CCSER1: variants seen among roughly 807,000 people sequenced by gnomAD.
CCSER1 encodes the protein serine-rich coiled-coil domain-containing protein 1.
Under a neutral mutation model 82.0 loss-of-function variants are expected in CCSER1, and 41 were observed. That is an observed-to-expected ratio of 0.50 (90% CI 0.39 to 0.65). The LOEUF (loss-of-function observed/expected upper bound fraction) is 0.65, where lower values mean the gene tolerates loss of function less well. Ranked by LOEUF, CCSER1 falls within the 30% of genes least tolerant of loss-of-function variation. CCSER1 has a pLI of 0.00. For synonymous variants in CCSER1, 414 were observed against 383.9 expected (o/e 1.08, Z -0.92); for missense variants, 1,119 against 1,064.2 (o/e 1.05, Z -0.72).
intron 9 of CCSER1, among the ~76,000 whole-genome samples, chr4:90,962,398 C>G (rs997091919): frequency 6.6e-6 from 1 of 152,092 alleles, no homozygotes; most frequent in Admixed American, 6.6e-5. Context: ...ATTTAATATA[C>G]TATTTAAACA....
At chr4:90,168,970 G>T (rs550452120) in intron 1 of CCSER1, among the ~76,000 whole-genome samples, 51 of 151,880 alleles carry the variant, frequency 3.4e-4, no homozygotes, top group Admixed American at 9.8e-4. Context: ...CTCTTTTTTG[G>T]TTCCATATGA....
chr4:91,072,686 GCT>G (rs1721558673), intron 9 of CCSER1, among the ~76,000 whole-genome samples: 1 of 152,002 alleles, frequency 6.6e-6, no homozygotes, highest in African/African-American at 2.4e-5. Flanking sequence ...GATACTCTGG[GCT>G]CAGTATTCAA....
chr4:90,970,834 A>G (rs1447794141), intron 9 of CCSER1, among the ~76,000 whole-genome samples: 1 of 152,002 alleles, frequency 6.6e-6, no homozygotes, highest in Non-Finnish European at 1.5e-5. Context: ...CTAAATAATG[A>G]GTTGAATCTA....
intron 5 of CCSER1, among the ~76,000 whole-genome samples, chr4:90,532,521 G>T (rs561440098): frequency 4.9e-4 from 75 of 152,108 alleles, no homozygotes; most frequent in African/African-American, 1.6e-3. Context: ...GTCTGAGAAG[G>T]CAAACCTTTT....
At chr4:91,132,522 A>G (rs1230054405) in intron 10 of CCSER1, among the ~76,000 whole-genome samples, 2 of 152,200 alleles carry the variant, frequency 1.3e-5, no homozygotes, top group African/African-American at 4.8e-5. Context: ...GTATTCGTTA[A>G]TTCTGCAGGT....
chr4:90,129,262 G>A (rs1722409480), intron 1 of CCSER1, among the ~76,000 whole-genome samples: 1 of 151,992 alleles, frequency 6.6e-6, no homozygotes, highest in South Asian at 2.1e-4. Context: ...GTTATCACTG[G>A]TTCCTTCAAA....
chr4:90,133,112 T>C (rs1702964889), intron 1 of CCSER1, among the ~76,000 whole-genome samples: 1 of 152,206 alleles, frequency 6.6e-6, no homozygotes, highest in Non-Finnish European at 1.5e-5. Flanking sequence ...TAGAGTATTT[T>C]AGAGTAAAAA....
At chr4:90,802,232 T>C (rs115623558) in intron 7 of CCSER1, among the ~76,000 whole-genome samples, 8,759 of 147,742 alleles carry the variant, frequency 0.059, 571 homozygotes, top group African/African-American at 0.17. Context: ...AAAAATAAAT[T>C]AATTACAAAT....
At chr4:90,941,085 G>GCTAC (rs1332820952) in intron 9 of CCSER1, among the ~76,000 whole-genome samples, 9 of 152,078 alleles carry the variant, frequency 5.9e-5, no homozygotes, top group African/African-American at 2.2e-4. Context: ...CTATGTGAAT[G>GCTAC]CTACCTACTA....
intron 10 of CCSER1, among the ~76,000 whole-genome samples, chr4:91,387,736 ATG>A (rs1751388808): frequency 8.6e-6 from 1 of 116,056 alleles, no homozygotes; most frequent in South Asian, 2.7e-4. Flanking sequence ...TGATAAAAAA[ATG>A]ATAAGACAGA....
chr4:91,510,588 T>C (rs1402691804), intron 10 of CCSER1, among the ~76,000 whole-genome samples: 1 of 152,162 alleles, frequency 6.6e-6, no homozygotes, highest in Non-Finnish European at 1.5e-5. Flanking sequence ...CGAGTGATGT[T>C]GAGAATTTTC....
intron 5 of CCSER1, among the ~76,000 whole-genome samples, chr4:90,502,421 T>C (rs2153612418): frequency 6.6e-6 from 1 of 152,282 alleles, no homozygotes; most frequent in South Asian, 2.1e-4. Flanking sequence ...TCCCACCAGG[T>C]CCTTCCCTTA....
At chr4:90,180,567 T>C (rs528791342) in intron 1 of CCSER1, among the ~76,000 whole-genome samples, 1 of 151,994 alleles carries the variant, frequency 6.6e-6, no homozygotes, top group South Asian at 2.1e-4. Flanking sequence ...CCAGCCTGGG[T>C]GACAGAGCAA....
chr4:91,138,883 G>T lies in CCSER1; in HGVS notation c.2217+52889G>T, dbSNP rs28871298. ...AGAAAAATTCTTTTTAAAAAAATAA[G>T]TTCTACCTTTATTTTAGATTCTGGG... is the stretch of plus-strand genomic sequence containing the variant. On this transcript the variant is annotated intron_variant, in intron 10 of 10. Transcript: ENST00000509176. Among the ~76,000 whole-genome samples, 271 of 152,192 alleles carry T rather than the reference G, an allele frequency of 1.8e-3. 1 individual carries two copies. The highest frequency in any genetic ancestry group is 4.1e-3 in the South Asian group (20 of 4,828).
At chr4:90,778,522 T>G (rs1361996836) in intron 7 of CCSER1, among the ~76,000 whole-genome samples, 1 of 105,032 alleles carries the variant, frequency 9.5e-6, no homozygotes, top group Non-Finnish European at 2.0e-5. Flanking sequence ...TGGGAATGCA[T>G]TTCTTAAAAA....
chr4:91,129,944 T>C (rs764275795), intron 10 of CCSER1: 1 of 152,040 alleles, frequency 6.6e-6, no homozygotes, highest in Non-Finnish European at 1.5e-5. Flanking sequence ...GTTGTCCTTT[T>C]TTCAACATGT....
At chr4:91,289,172 C>T (rs1346598312) in intron 10 of CCSER1, among the ~76,000 whole-genome samples, 5 of 151,856 alleles carry the variant, frequency 3.3e-5, no homozygotes, top group Non-Finnish European at 7.4e-5. Context: ...AATAACAAAC[C>T]CAGCTCAACA....
At chr4:91,299,229 C>T (rs1744465959) in intron 10 of CCSER1, among the ~76,000 whole-genome samples, 2 of 151,972 alleles carry the variant, frequency 1.3e-5, no homozygotes, top group African/African-American at 4.8e-5. Flanking sequence ...TGAGATTACA[C>T]TGAATTAAAG....
At chr4:90,741,754 G>A (rs1746595415) in intron 7 of CCSER1, among the ~76,000 whole-genome samples, 1 of 152,076 alleles carries the variant, frequency 6.6e-6, no homozygotes, top group Non-Finnish European at 1.5e-5. Flanking sequence ...AGTAACCCAG[G>A]TGAAATTCAA....
Sources: allele counts gnomAD v4.1 joint callset (sites outside exome capture counted in the v4.1 genomes callset), GRCh38; gene constraint gnomAD v4.1.1; transcripts MANE v1.5; gene names NCBI Gene and HGNC (gene_info 2026-07-23, HGNC 2026-07-21).